ST6GALNAC3: variants seen among roughly 807,000 people sequenced by gnomAD.
ST6GALNAC3 encodes the protein ST6 N-acetylgalactosaminide alpha-2,6-sialyltransferase 3.
In ST6GALNAC3, 25 loss-of-function variants were observed where a neutral mutation model predicts 32.7. The ratio of observed to expected loss-of-function variants is 0.76; its 90% CI spans 0.56 to 1.07. The LOEUF is 1.07. Ranked by LOEUF, ST6GALNAC3 falls within the 50% of genes least tolerant of loss-of-function variation. ST6GALNAC3 has a pLI of 0.00. For missense variants in ST6GALNAC3, 355 were observed against 382.4 expected (o/e 0.93, Z 0.60); for synonymous variants, 129 against 133.1 (o/e 0.97, Z 0.21).
intron 1 of ST6GALNAC3, among the ~76,000 whole-genome samples, chr1:76,174,549 ATCTG>A (rs1231708818): frequency 6.6e-6 from 1 of 151,378 alleles, no homozygotes; most frequent in African/African-American, 2.4e-5. Flanking sequence ...CTACCTACCT[ATCTG>A]TCTACCTATC....
chr1:76,074,766 T>C lies in ST6GALNAC3; in HGVS notation c.-101T>C. ...TATTTGGATCTGCGGGAATGTGGGCTGGAGAGGTCCTGCCGTGGTACCAGC... is the reference window on the plus strand; with the variant it reads ...TATTTGGATCTGCGGGAATGTGGGCCGGAGAGGTCCTGCCGTGGTACCAGC... On this transcript the variant is annotated 5_prime_UTR_variant, in exon 1 of 5. Coordinates refer to ENST00000328299, the MANE Select transcript of ST6GALNAC3 (RefSeq NM_152996.4). 1 of 1,332,376 alleles carries C rather than the reference T, an allele frequency of 7.5e-7. No individual in the cohort carries two copies. The highest frequency in any genetic ancestry group is 1.0e-6 in the Non-Finnish European group (1 of 965,330). The allele number at this position is 1,332,376 out of a possible 1,614,324, so 82.5% of individuals were successfully genotyped here.
Position 76,459,849 on chromosome 1 carries a change from TC to T in ST6GALNAC3, c.623+47434del, listed in dbSNP as rs202027130. ...ATTCATTTTTATGACTGAATAATAT[TC>T]CATTGTATGGATATAACTCATTTTG... On this transcript the variant is annotated intron_variant, in intron 3 of 4. Transcript: ENST00000328299. Among the ~76,000 whole-genome samples the T allele has an allele frequency of 9.5e-3, 1,449 of 152,328 alleles. 24 individuals are homozygous for T. Among genetic ancestry groups the T allele is most frequent in the African/African-American group, 0.033 (1,385 of 41,576 alleles).
intron 3 of ST6GALNAC3, among the ~76,000 whole-genome samples, chr1:76,446,786 G>A (rs1657004250): frequency 6.6e-6 from 1 of 152,168 alleles, no homozygotes; most frequent in Admixed American, 6.5e-5. Context: ...TGCCATCCCT[G>A]TAAGCCTTGA....
chr1:76,447,298 T>C (rs1481997805), intron 3 of ST6GALNAC3, among the ~76,000 whole-genome samples: 1 of 152,162 alleles, frequency 6.6e-6, no homozygotes, highest in Non-Finnish European at 1.5e-5. Flanking sequence ...ATTTAGGGCA[T>C]CTGGCAGAAG....
intron 3 of ST6GALNAC3, among the ~76,000 whole-genome samples, chr1:76,441,107 A>AAAAT (rs1193028341): frequency 1.3e-5 from 2 of 151,512 alleles, no homozygotes; most frequent in African/African-American, 4.8e-5. Flanking sequence ...AAAAAAAAAA[A>AAAAT]ATAAGAGAAA....
chr1:76,216,703 A>T (rs1240133220), intron 1 of ST6GALNAC3, among the ~76,000 whole-genome samples: 3 of 152,242 alleles, frequency 2.0e-5, no homozygotes, highest in African/African-American at 7.2e-5. Flanking sequence ...CATTGAGTGA[A>T]ATCCAATGTG....
At chr1:76,076,032 G>A (rs1008151691) in intron 1 of ST6GALNAC3, among the ~76,000 whole-genome samples, 3 of 152,220 alleles carry the variant, frequency 2.0e-5, no homozygotes, top group South Asian at 2.1e-4. Context: ...CCTTCTTTGC[G>A]TAAAGGAGAT....
At chr1:76,616,449 CTT>C (rs1294213119) in intron 3 of ST6GALNAC3, among the ~76,000 whole-genome samples, 1 of 152,196 alleles carries the variant, frequency 6.6e-6, no homozygotes, top group Non-Finnish European at 1.5e-5. Flanking sequence ...AACCAAGTCA[CTT>C]AACTTCAAGT....
At chr1:76,364,025 C>T (rs924671687) in intron 2 of ST6GALNAC3, among the ~76,000 whole-genome samples, 2 of 152,146 alleles carry the variant, frequency 1.3e-5, no homozygotes, top group African/African-American at 4.8e-5. Context: ...ACCCAAAGCA[C>T]CTTAGCTTCT....
intron 3 of ST6GALNAC3, among the ~76,000 whole-genome samples, chr1:76,587,532 G>A (rs941820818): frequency 6.6e-6 from 1 of 152,208 alleles, no homozygotes; most frequent in African/African-American, 2.4e-5. Flanking sequence ...TGCAGCATAT[G>A]CTTGCACACA....
chr1:76,293,986 T>C (rs1035688881), intron 1 of ST6GALNAC3, among the ~76,000 whole-genome samples: 13 of 152,192 alleles, frequency 8.5e-5, no homozygotes, highest in Non-Finnish European at 1.9e-4. Context: ...TGGTCATTTA[T>C]ACAAAACCGT....
intron 2 of ST6GALNAC3, among the ~76,000 whole-genome samples, chr1:76,381,943 C>G (rs1240091401): frequency 1.3e-5 from 2 of 151,988 alleles, no homozygotes; most frequent in African/African-American, 4.8e-5. Flanking sequence ...GTTTAAAAGG[C>G]CAAAAATCTA....
rs903124593 is a variant in ST6GALNAC3 at position 76,632,063 on chromosome 1, C to T, written c.*3257C>T. ...TAGAGTCTATTTGTGTGTGTGTGAA[C>T]GCACATATATATACATCTATATACT... On this transcript the variant is annotated 3_prime_UTR_variant, in exon 5 of 5. Coordinates refer to ENST00000328299, the MANE Select transcript of ST6GALNAC3 (RefSeq NM_152996.4). 5.9e-5 allele frequency: 9 copies of T among 151,990 alleles called. No homozygotes were observed. The highest frequency in any genetic ancestry group is 1.3e-4 in the Non-Finnish European group (9 of 67,952). The allele number at this position is 151,990 out of a possible 1,614,324, so 9.4% of individuals were successfully genotyped here.
At chr1:76,248,413 C>G (rs967057859) in intron 1 of ST6GALNAC3, among the ~76,000 whole-genome samples, 1 of 152,178 alleles carries the variant, frequency 6.6e-6, no homozygotes, top group Non-Finnish European at 1.5e-5. Flanking sequence ...CTCTCTGTAT[C>G]TTATCTAAGG....
At chr1:76,379,104 GC>G (rs1651499892) in intron 2 of ST6GALNAC3, among the ~76,000 whole-genome samples, 1 of 152,086 alleles carries the variant, frequency 6.6e-6, no homozygotes, top group Admixed American at 6.5e-5. Context: ...CACTGTGTTA[GC>G]CAGGATGGTC....
chr1:76,236,194 C>T (rs1405567879), intron 1 of ST6GALNAC3, among the ~76,000 whole-genome samples: 3 of 152,204 alleles, frequency 2.0e-5, no homozygotes, highest in Admixed American at 6.5e-5. Flanking sequence ...GTGATCCGCC[C>T]GCCTCGGCCT....
At chr1:76,578,125 T>C (rs1234200731) in intron 3 of ST6GALNAC3, among the ~76,000 whole-genome samples, 5 of 152,092 alleles carry the variant, frequency 3.3e-5, no homozygotes, top group East Asian at 1.9e-4. Context: ...AATATCCATT[T>C]TGAGGTGTTT....
At chr1:76,194,105 C>G (rs1167284246) in intron 1 of ST6GALNAC3, among the ~76,000 whole-genome samples, 1 of 152,106 alleles carries the variant, frequency 6.6e-6, no homozygotes, top group East Asian at 1.9e-4. Flanking sequence ...ACAGATGAGA[C>G]CCTAAGGCTT....
intron 1 of ST6GALNAC3, among the ~76,000 whole-genome samples, chr1:76,247,981 C>T (rs749448678): frequency 1.3e-5 from 2 of 149,436 alleles, no homozygotes; most frequent in African/African-American, 2.6e-5. Flanking sequence ...TCCTGATCTG[C>T]GGATTGCAAA....
Sources: gnomAD v4.1 joint callset for allele counts (sites outside exome capture counted in the v4.1 genomes callset) on GRCh38, gnomAD v4.1.1 for gene constraint, MANE v1.5 for transcripts, NCBI Gene and HGNC (gene_info 2026-07-23, HGNC 2026-07-21) for gene names.